Variants in ERBIN observed in about 807,000 individuals in gnomAD.
The protein encoded by ERBIN is erbb2 interacting protein, also known as densin-180-like protein.
Under a neutral mutation model 158.4 loss-of-function variants are expected in ERBIN, and 60 were observed. The observed-to-expected ratio is 0.38, with a 90% CI of 0.31 to 0.47. The LOEUF (loss-of-function observed/expected upper bound fraction) is 0.47, where lower values mean the gene tolerates loss of function less well. Among genes scored for constraint, ERBIN ranks in the 20% least tolerant of loss-of-function variants. ERBIN has a pLI of 0.99. For synonymous variants in ERBIN, 594 were observed against 557.2 expected (o/e 1.07, Z -0.93); for missense variants, 1,610 against 1,648.0 (o/e 0.98, Z 0.40).
At chr5:66,018,178 A>G (rs972413321) in intron 7 of ERBIN, among the ~76,000 whole-genome samples, 3 of 151,422 alleles carry the variant, frequency 2.0e-5, no homozygotes, top group Non-Finnish European at 2.9e-5. Flanking sequence ...GTGGTTCTGT[A>G]TACATTTTAG....
intron 4 of ERBIN, among the ~76,000 whole-genome samples, chr5:66,006,466 T>C (rs1218903762): frequency 6.6e-6 from 1 of 152,054 alleles, no homozygotes. Flanking sequence ...GCAATACCAT[T>C]CAGGACATAG....
At chr5:65,967,783 T>A (rs1348540607) in intron 1 of ERBIN, among the ~76,000 whole-genome samples, 1 of 152,112 alleles carries the variant, frequency 6.6e-6, no homozygotes, top group Admixed American at 6.6e-5. Flanking sequence ...CCAAGAAGAG[T>A]CATCAGTATT....
intron 5 of ERBIN, 113 bp downstream of exon 5, chr5:66,012,240 A>G (rs1269490146): frequency 1.6e-6 from 1 of 623,362 alleles, no homozygotes; most frequent in African/African-American, 1.8e-5. Context: ...AAGTCTATAC[A>G]AAATTTCAAT....
intron 1 of ERBIN, among the ~76,000 whole-genome samples, chr5:65,950,763 T>C (rs1271955665): frequency 2.6e-5 from 4 of 152,156 alleles, no homozygotes; most frequent in Non-Finnish European, 4.4e-5. Flanking sequence ...CTTAAAGGTT[T>C]GACTAGTAAT....
At chr5:66,056,762 T>A (rs566537566) in intron 21 of ERBIN, among the ~76,000 whole-genome samples, 1 of 152,146 alleles carries the variant, frequency 6.6e-6, no homozygotes. Flanking sequence ...GATATCATAC[T>A]TTGAAGTTAC....
At chr5:65,952,225 A>G (rs1215074475) in intron 1 of ERBIN, among the ~76,000 whole-genome samples, 1 of 152,196 alleles carries the variant, frequency 6.6e-6, no homozygotes, top group African/African-American at 2.4e-5. Flanking sequence ...AGACCCGTTC[A>G]CTGGTGCTGA....
At chr5:65,950,522 T>G (rs1324272864) in intron 1 of ERBIN, among the ~76,000 whole-genome samples, 1 of 152,248 alleles carries the variant, frequency 6.6e-6, no homozygotes, top group Non-Finnish European at 1.5e-5. Context: ...ACATTATTTA[T>G]TACCAGTGAT....
At chr5:65,943,367 C>T (rs1745308089) in intron 1 of ERBIN, among the ~76,000 whole-genome samples, 1 of 152,154 alleles carries the variant, frequency 6.6e-6, no homozygotes, top group South Asian at 2.1e-4. Flanking sequence ...TTGAAATTAC[C>T]TGTATTGAAT....
intron 14 of ERBIN, among the ~76,000 whole-genome samples, chr5:66,033,167 T>C (rs1310851437): frequency 1.3e-5 from 2 of 152,206 alleles, no homozygotes; most frequent in African/African-American, 4.8e-5. Context: ...TTCAGTACTA[T>C]TATAGGTTTA....
intron 6 of ERBIN, 124 bp downstream of exon 6, chr5:66,013,762 A>G (rs1754439869): frequency 1.7e-6 from 1 of 594,872 alleles, no homozygotes; most frequent in Admixed American, 3.3e-5. Flanking sequence ...ATTCCCAAGC[A>G]TTGTGACTTT....
chr5:66,082,149 G>T lies in ERBIN; in HGVS notation c.*3619G>T, dbSNP rs187807853. ...ATTAGAATCTGTGGTCAGCTATAAC[G>T]TACAGTCCTAATATCCAACCACCTG... On this transcript the variant is annotated 3_prime_UTR_variant, in exon 26 of 26. Coordinates refer to ENST00000284037, the MANE Select transcript of ERBIN (RefSeq NM_001253697.2). The T allele has an allele frequency of 6.6e-6, 1 of 152,094 alleles. No individual in the cohort carries two copies. The highest frequency in any genetic ancestry group is 1.5e-5 in the Non-Finnish European group (1 of 68,008). 9.4% of individuals were successfully genotyped at this position (152,094 alleles called of 1,614,324 possible). A position where few individuals can be genotyped will look rare whatever the true frequency, so the allele number is the denominator to read the frequency against.
chr5:66,082,384 G>A lies in ERBIN; in HGVS notation c.*3854G>A, dbSNP rs1762421479. ...TTCTAATGTAACAACCAGGGACAAT[G>A]GTGATCTGTCACGCATCTGCCCATC... On this transcript the variant is annotated 3_prime_UTR_variant, in exon 26 of 26. Transcript: ENST00000284037. 1 of 152,142 alleles carries A rather than the reference G, an allele frequency of 6.6e-6. No homozygotes were observed. Among genetic ancestry groups the A allele is most frequent in the African/African-American group, 2.4e-5 (1 of 41,434 alleles). 9.4% of individuals were successfully genotyped at this position (152,142 alleles called of 1,614,324 possible). A position where few individuals can be genotyped will look rare whatever the true frequency, so the allele number is the denominator to read the frequency against.
chr5:66,065,087 G>A (rs2151280551), intron 21 of ERBIN, among the ~76,000 whole-genome samples: 1 of 152,218 alleles, frequency 6.6e-6, no homozygotes, highest in Middle Eastern at 3.4e-3. Context: ...GCAAAAAATA[G>A]CTTAGTTGGT....
intron 1 of ERBIN, among the ~76,000 whole-genome samples, chr5:65,960,537 A>C (rs567694890): frequency 1.3e-5 from 2 of 152,304 alleles, no homozygotes; most frequent in Admixed American, 6.5e-5. Context: ...TTCTAATTTA[A>C]TTGGTTAAGG....
At chr5:66,026,529 A>G in intron 13 of ERBIN, 112 bp downstream of exon 13, 1 of 475,952 alleles carries the variant, frequency 2.1e-6, no homozygotes. Flanking sequence ...TTAAATATAC[A>G]TAGTAAGTTC....
chr5:66,018,877 C>T (rs1395082130), intron 7 of ERBIN, among the ~76,000 whole-genome samples: 3 of 151,586 alleles, frequency 2.0e-5, no homozygotes, highest in Admixed American at 6.6e-5. Flanking sequence ...CCTCATGATG[C>T]GCCTGCCTTG....
At chr5:66,078,194 A>G (rs527862047) in intron 25 of ERBIN, among the ~76,000 whole-genome samples, 5 of 152,294 alleles carry the variant, frequency 3.3e-5, no homozygotes, top group Admixed American at 2.6e-4. Flanking sequence ...AGTGATTTCT[A>G]ACATTGGGCT....
chr5:65,974,874 A>C (rs1287863644), intron 1 of ERBIN, among the ~76,000 whole-genome samples: 1 of 152,258 alleles, frequency 6.6e-6, no homozygotes, highest in Non-Finnish European at 1.5e-5. Context: ...AGGTTTGACC[A>C]GTGGTATAGG....
chr5:66,023,612 C>G (rs1409737659), intron 9 of ERBIN, among the ~76,000 whole-genome samples: 1 of 151,538 alleles, frequency 6.6e-6, no homozygotes, highest in African/African-American at 2.4e-5. Flanking sequence ...CTTGAACTTA[C>G]GTCCCAATTT....
Sources: gnomAD v4.1 joint callset for allele counts (sites outside exome capture counted in the v4.1 genomes callset) on GRCh38, gnomAD v4.1.1 for gene constraint, MANE v1.5 for transcripts, NCBI Gene and HGNC (gene_info 2026-07-23, HGNC 2026-07-21) for gene names.